The following CCDC201 variants were observed in gnomAD, a reference collection of about 807,000 sequenced individuals.
The protein encoded by CCDC201 is coiled-coil domain-containing protein 201.
the CCDC201 span, among the ~76,000 whole-genome samples, chr7:45,883,846 C>T: frequency 6.6e-6 from 1 of 152,066 alleles, no homozygotes; most frequent in Admixed American, 6.5e-5. Flanking sequence ...GGCTCTGCCT[C>T]CTTCATGGCT....
chr7:45,860,756 A>T (rs1786588993), exon 3 of CCDC201: 1 of 152,210 alleles, frequency 6.6e-6, no homozygotes, highest in African/African-American at 2.4e-5. Context: ...TTCCATAGGC[A>T]TGTCTAGGCG....
At chr7:45,876,477 G>A (rs945444117), upstream of CCDC201, among the ~76,000 whole-genome samples, 7 of 152,140 alleles carry the variant, frequency 4.6e-5, no homozygotes, top group Admixed American at 2.0e-4. Context: ...CCAAAATACA[G>A]CACAAAGCTG....
chr7:45,883,467 A>T, the CCDC201 span, among the ~76,000 whole-genome samples: 1 of 152,128 alleles, frequency 6.6e-6, no homozygotes, highest in Non-Finnish European at 1.5e-5. Flanking sequence ...AGGAGGAAGG[A>T]ACAGTGCCAT....
the CCDC201 span, among the ~76,000 whole-genome samples, chr7:45,880,092 C>A: frequency 1.3e-5 from 2 of 151,894 alleles, no homozygotes; most frequent in Non-Finnish European, 2.9e-5. Flanking sequence ...TCTTCACACA[C>A]AAAAAAATAA....
chr7:45,873,382 T>C (rs1158240172), upstream of CCDC201, among the ~76,000 whole-genome samples: 3 of 80,022 alleles, frequency 3.7e-5, no homozygotes, highest in African/African-American at 5.6e-5. Context: ...ACAAGGCAAC[T>C]GGAAAAAAAA....
the CCDC201 span, among the ~76,000 whole-genome samples, chr7:45,884,558 C>A: frequency 6.6e-6 from 1 of 152,156 alleles, no homozygotes; most frequent in Non-Finnish European, 1.5e-5. Flanking sequence ...GCCTGTTATT[C>A]CAGCTCCCAG....
At chr7:45,880,993 G>C in the CCDC201 span, among the ~76,000 whole-genome samples, 5 of 152,118 alleles carry the variant, frequency 3.3e-5, no homozygotes, top group Non-Finnish European at 5.9e-5. Context: ...GGCCAAACTG[G>C]TATGGGAATT....
At chr7:45,876,256 C>G (rs192844170), upstream of CCDC201, among the ~76,000 whole-genome samples, 5 of 152,314 alleles carry the variant, frequency 3.3e-5, no homozygotes. Flanking sequence ...AACAGTAACT[C>G]AAATGACTAC....
At chr7:45,879,605 G>A in the CCDC201 span, among the ~76,000 whole-genome samples, 1 of 152,142 alleles carries the variant, frequency 6.6e-6, no homozygotes, top group Non-Finnish European at 1.5e-5. Flanking sequence ...AGCATTAGGG[G>A]GATGGTGTTA....
chr7:45,861,236 T>C (rs1224278674), exon 3 of CCDC201: 1 of 152,176 alleles, frequency 6.6e-6, no homozygotes, highest in East Asian at 1.9e-4. Flanking sequence ...ATTACTCTGA[T>C]GTATTTATCT....
intron 1 of CCDC201, among the ~76,000 whole-genome samples, chr7:45,872,137 C>T (rs534021318): frequency 6.6e-6 from 1 of 152,274 alleles, no homozygotes; most frequent in African/African-American, 2.4e-5. Context: ...AAATTTTATG[C>T]TCTTATACTT....
At chr7:45,868,296 T>C (rs1288627214) in intron 1 of CCDC201, among the ~76,000 whole-genome samples, 1 of 152,194 alleles carries the variant, frequency 6.6e-6, no homozygotes, top group Non-Finnish European at 1.5e-5. Flanking sequence ...AGATACAGAA[T>C]AGTCTTCTCC....
At chr7:45,868,525 C>A (rs1318740331) in intron 1 of CCDC201, among the ~76,000 whole-genome samples, 1 of 152,094 alleles carries the variant, frequency 6.6e-6, no homozygotes, top group Non-Finnish European at 1.5e-5. Context: ...GTGAAAATTG[C>A]ATTTAAGGAG....
intron 1 of CCDC201, among the ~76,000 whole-genome samples, chr7:45,866,924 C>T (rs972131663): frequency 6.6e-6 from 1 of 152,108 alleles, no homozygotes; most frequent in Non-Finnish European, 1.5e-5. Flanking sequence ...ATTTTATGAA[C>T]AGGTGAAGCA....
At chr7:45,876,790 T>C (rs1049901380), upstream of CCDC201, among the ~76,000 whole-genome samples, 4 of 152,258 alleles carry the variant, frequency 2.6e-5, no homozygotes, top group African/African-American at 9.6e-5. Context: ...AAGCCATGCA[T>C]GTGCCTGCAA....
chr7:45,865,494 C>T (rs1786658227), intron 2 of CCDC201, among the ~76,000 whole-genome samples: 1 of 152,326 alleles, frequency 6.6e-6, no homozygotes, highest in South Asian at 2.1e-4. Context: ...AATGTAACAG[C>T]TCCCTCTTCA....
the CCDC201 span, among the ~76,000 whole-genome samples, chr7:45,883,619 G>T: frequency 6.6e-6 from 1 of 152,112 alleles, no homozygotes. Flanking sequence ...TTGAGCTACG[G>T]CATGGACCTC....
At chr7:45,873,560 C>T (rs997734307), upstream of CCDC201, among the ~76,000 whole-genome samples, 1 of 152,180 alleles carries the variant, frequency 6.6e-6, no homozygotes, top group African/African-American at 2.4e-5. Flanking sequence ...GCTGGGCCAG[C>T]CCCAGTTCCT....
exon 3 of CCDC201, chr7:45,860,586 T>C (rs2116512293): frequency 6.6e-6 from 1 of 152,372 alleles, no homozygotes; most frequent in Non-Finnish European, 1.5e-5. Flanking sequence ...TCCTCAAAGA[T>C]GATCATTTAG....
Sources: gnomAD v4.1 joint callset for allele counts (sites outside exome capture counted in the v4.1 genomes callset) on GRCh38, gnomAD v4.1.1 for gene constraint, MANE v1.5 for transcripts, NCBI Gene and HGNC (gene_info 2026-07-23, HGNC 2026-07-21) for gene names.